ENPP5: variants seen among roughly 807,000 people sequenced by gnomAD.
ENPP5 encodes the protein ectonucleotide pyrophosphatase/phosphodiesterase family member 5.
A neutral mutation model predicts 33.7 loss-of-function variants in ENPP5; 27 were observed. That is an observed-to-expected ratio of 0.80 (90% CI 0.59 to 1.11). The LOEUF (loss-of-function observed/expected upper bound fraction) is 1.11, where lower values mean the gene tolerates loss of function less well. Among genes scored for constraint, ENPP5 ranks in the 50% least tolerant of loss-of-function variants. The probability of loss-of-function intolerance (pLI) is 0.00; values close to 1 mark genes in which losing one functional copy is unlikely to be tolerated. For missense variants in ENPP5, 552 were observed against 579.2 expected (o/e 0.95, Z 0.48); for synonymous variants, 199 against 200.5 (o/e 0.99, Z 0.06).
Position 46,167,757 on chromosome 6 carries a change from T to G in ENPP5, c.506A>C (p.Lys169Thr), listed in dbSNP as rs1562071365. 1 of 1,614,042 alleles carries G rather than the reference T, an allele frequency of 6.2e-7. No individual in the cohort carries two copies. Among genetic ancestry groups the G allele is most frequent in the Non-Finnish European group, 8.5e-7 (1 of 1,180,040 alleles). ...ESVSFEDRVA[K>T]IIEWFTSKEP... Reference sequence around the variant, plus strand: ...TTTTGACGTAAACCATTCAATAATTTTGGCAACTCTATCTTCAAATGAAAC... The same window carrying G: ...TTTTGACGTAAACCATTCAATAATTGTGGCAACTCTATCTTCAAATGAAAC... The change falls in exon 3 of 5, where the codon AAA becomes ACA. Residue 169 changes from lysine to threonine, a missense_variant. Coordinates refer to ENST00000371383, the MANE Select transcript of ENPP5 (RefSeq NM_001290072.2).
In ENPP5 at chr6:46,161,585, A is replaced by C; in HGVS notation, c.1175T>G (p.Phe392Cys). ...ATTGAGCAGATCCTGGACATTCCAG[A>C]ATGATCCATTGTGTGGCATGGCGGT... is the stretch of plus-strand genomic sequence containing the variant. The part of the protein sequence containing the change: ...NITAMPHNGS[F>C]WNVQDLLNSA... The change falls in exon 5 of 5, where the codon TTC (phenylalanine) becomes TGC (cysteine). Residue 392 changes from phenylalanine to cysteine, a missense_variant. Transcript: ENST00000371383. 1 of 1,614,114 alleles carries C rather than the reference A, an allele frequency of 6.2e-7. No individual in the cohort carries two copies. The highest frequency in any genetic ancestry group is 1.3e-5 in the African/African-American group (1 of 75,050).
intron 4 of ENPP5, among the ~76,000 whole-genome samples, chr6:46,162,555 T>G (rs1316974256): frequency 1.3e-5 from 2 of 152,132 alleles, no homozygotes; most frequent in Non-Finnish European, 2.9e-5. Context: ...GGCTTTATCT[T>G]AAAGGTGGCA....
chr6:46,166,334 C>T (rs955504896), intron 3 of ENPP5, among the ~76,000 whole-genome samples: 1 of 151,384 alleles, frequency 6.6e-6, no homozygotes, highest in African/African-American at 2.4e-5. Context: ...CTCCCTGTCG[C>T]CCAAGGAGGA....
At chr6:46,164,659 G>C (rs1254141918) in intron 4 of ENPP5, among the ~76,000 whole-genome samples, 1 of 151,576 alleles carries the variant, frequency 6.6e-6, no homozygotes, top group Non-Finnish European at 1.5e-5. Context: ...TAACATAAGA[G>C]CTACCTGCAC....
In ENPP5 at chr6:46,161,761, GA is replaced by G; in HGVS notation, c.1007-9del. The G allele has an allele frequency of 1.3e-6, 2 of 1,595,720 alleles. No homozygotes were observed. The highest frequency in any genetic ancestry group is 1.7e-6 in the Non-Finnish European group (2 of 1,173,184). On this transcript the variant is annotated splice_polypyrimidine_tract_variant and intron_variant, in intron 4 of 4. Coordinates refer to ENST00000371383, the MANE Select transcript of ENPP5 (RefSeq NM_001290072.2). ...CGTAACCGTGGTTGCCTACTGTAAA[GA>G]GAAAATATGTGAAAAAGTTAGCCAA...
Position 46,159,208 on chromosome 6 carries a change from TTA to T in ENPP5, c.*2116_*2117del, listed in dbSNP as rs1764314366. 6.6e-6 allele frequency: 1 copy of T among 152,242 alleles called. No individual in the cohort carries two copies. The highest frequency in any genetic ancestry group is 2.1e-4 in the South Asian group (1 of 4,824). The allele number at this position is 152,242 out of a possible 1,614,324, so 9.4% of individuals were successfully genotyped here. On this transcript the variant is annotated 3_prime_UTR_variant, in exon 5 of 5. Transcript: ENST00000371383. ...GATTTTCCCAGAAAAGTTAAAAGTT[TTA>T]TTTTTCTTCAGGTAAACTCTCCTAT...
rs1334219773 is a variant in ENPP5 at position 46,165,522 on chromosome 6, G to C, written c.871C>G (p.Pro291Ala). Residue 291 changes from proline (P) to alanine (A), a missense_variant, in exon 4 of 5, where the codon CCT becomes GCT. Physicochemically the swap from Pro to Ala is conservative, Grantham distance 27 (BLOSUM62 -1). Transcript: ENST00000371383. The stretch of plus-strand genomic sequence containing the variant: ...TCTTTTTTGTAAACAGTAAGATTAG[G>C]ATGAGCGTGAGTTAGTGCTTCATAG... ...EVYEALTHAHPNLTVYKKEDV... is the reference protein window; with the variant it reads ...EVYEALTHAHANLTVYKKEDV... 6.2e-7 allele frequency: 1 copy of C among 1,606,106 alleles called. No homozygotes were observed. The highest frequency in any genetic ancestry group is 8.5e-7 in the Non-Finnish European group (1 of 1,177,804).
intron 4 of ENPP5, 53 bp from the exon 5 acceptor site, chr6:46,161,806 A>T: frequency 7.5e-7 from 1 of 1,326,256 alleles, no homozygotes; most frequent in Non-Finnish European, 1.1e-6. Flanking sequence ...TAAAATGGAC[A>T]TAATTGTTGT....
chr6:46,161,637 G>T lies in ENPP5; in HGVS notation c.1123C>A (p.Pro375Thr). 6.2e-7 allele frequency: 1 copy of T among 1,613,848 alleles called. No homozygotes were observed. The highest frequency in any genetic ancestry group is 8.5e-7 in the Non-Finnish European group (1 of 1,179,778). Reference sequence around the variant, plus strand: ...ATATTGAGGAGGTGGCATAGTAGTGGGTACAAATCTGTGGAGTTCATGGCT... The same window carrying T: ...ATATTGAGGAGGTGGCATAGTAGTGTGTACAAATCTGTGGAGTTCATGGCT... ...KEAMNSTDLYPLLCHLLNITA... is the reference protein window; with the variant it reads ...KEAMNSTDLYTLLCHLLNITA... Residue 375 changes from proline to threonine, a missense_variant, in exon 5 of 5, where the codon CCA (proline) becomes ACA (threonine). Transcript: ENST00000371383.
At position 46,168,127 on chromosome 6, in the gene ENPP5, C is replaced by T; in HGVS notation, c.136G>A (p.Val46Ile). The change falls in exon 3 of 5, where the codon GTT becomes ATT. Residue 46 changes from valine to isoleucine, a missense_variant. Transcript: ENST00000371383. Reference sequence around the variant, plus strand: ...ATATAATGAAAATGGGGCGTTGGAACTTTATATAAGTAATCCCAACGGAAT... The same window carrying T: ...ATATAATGAAAATGGGGCGTTGGAATTTTATATAAGTAATCCCAACGGAAT... ...DGFRWDYLYK[V>I]PTPHFHYIMK... is the part of the protein sequence containing the mutation. 1 of 1,613,616 alleles carries T rather than the reference C, an allele frequency of 6.2e-7. No homozygotes were observed. The highest frequency in any genetic ancestry group is 1.7e-4 in the Middle Eastern group (1 of 6,060).
chr6:46,168,143 C>T lies in ENPP5; in HGVS notation c.120G>A (p.Trp40Ter). 6.2e-7 allele frequency: 1 copy of T among 1,613,398 alleles called. No homozygotes were observed. The highest frequency in any genetic ancestry group is 8.5e-7 in the Non-Finnish European group (1 of 1,179,616). The part of the protein sequence containing the change: ...VLLVSFDGFR[W>*]DYLYKVPTPH... The stretch of plus-strand genomic sequence containing the variant: ...GCGTTGGAACTTTATATAAGTAATC[C>T]CAACGGAATCCATCAAAAGAAACTA... Residue 40 changes from tryptophan (W) to a stop codon, truncating the protein, a stop_gained, in exon 3 of 5, where the codon TGG (tryptophan) becomes TGA (stop). Coordinates refer to ENST00000371383, the MANE Select transcript of ENPP5 (RefSeq NM_001290072.2). LOFTEE classifies it high-confidence loss of function.
In ENPP5 at chr6:46,167,485, G is replaced by A. The variant is rs1474249852; in HGVS notation, c.778C>T (p.His260Tyr). Residue 260 changes from histidine (H) to tyrosine (Y), a missense_variant, in exon 3 of 5, where the codon CAC becomes TAC. Transcript: ENST00000371383. ...IELDQYLDKD[H>Y]YTLIDQSPVA... is the part of the protein sequence containing the mutation. ...GGAGATTGATCAATCAGGGTATAGT[G>A]GTCTTTATCCAGGTACTGGTCAAGT... The A allele has an allele frequency of 1.2e-6, 2 of 1,613,964 alleles. No homozygotes were observed. Among genetic ancestry groups the A allele is most frequent in the Non-Finnish European group, 1.7e-6 (2 of 1,179,986 alleles).
rs757454656 is a variant in ENPP5, at chr6:46,167,713, G to C, written c.550C>G (p.Leu184Val). Residue 184 changes from leucine to valine, a missense_variant, in exon 3 of 5, where the codon CTT becomes GTT. Physicochemically the swap from Leu to Val is conservative, Grantham distance 32. Transcript: ENST00000371383. ...FTSKEPINLGLLYWEDPDDMG... is the reference protein window; with the variant it reads ...FTSKEPINLGVLYWEDPDDMG... ...TCATCAGGGTCTTCCCAATAGAGAA[G>C]ACCAAGATTTATGGGCTCTTTTGAC... The C allele has an allele frequency of 3.1e-6, 5 of 1,614,138 alleles. No individual in the cohort carries two copies. The highest frequency in any genetic ancestry group is 4.2e-6 in the Non-Finnish European group (5 of 1,180,034).
chr6:46,170,886 C>T lies in ENPP5; in HGVS notation c.-176G>A, dbSNP rs1764717855. 1 of 152,342 alleles carries T rather than the reference C, an allele frequency of 6.6e-6. No individual in the cohort carries two copies. The highest frequency in any genetic ancestry group is 6.5e-5 in the Admixed American group (1 of 15,278). The allele number at this position is 152,342 out of a possible 1,614,324, so 9.4% of individuals were successfully genotyped here. ...CTGGAGGAGACTCCCTCGGGCGCGC[C>T]GCGGGTAACGGCGGGAGGGTGACTG... On this transcript the variant is annotated 5_prime_UTR_variant, in exon 1 of 5. Coordinates refer to ENST00000371383, the MANE Select transcript of ENPP5 (RefSeq NM_001290072.2).
intron 4 of ENPP5, among the ~76,000 whole-genome samples, chr6:46,162,025 A>G (rs966017652): frequency 6.6e-6 from 1 of 152,180 alleles, no homozygotes; most frequent in African/African-American, 2.4e-5. Flanking sequence ...CAAGTTAGGG[A>G]AAAATTAGAG....
In ENPP5 at chr6:46,161,670, A is replaced by G. The variant is rs187100926; in HGVS notation, c.1090T>C (p.Ser364Pro). The G allele has an allele frequency of 6.2e-6, 10 of 1,613,880 alleles. No homozygotes were observed. In the East Asian group the frequency reaches 2.2e-4, roughly 36 times the overall value. Residue 364 changes from serine (S) to proline (P), a missense_variant, in exon 5 of 5, where the codon TCA becomes CCA. Ser to Pro is a moderately conservative substitution (Grantham distance 74). Coordinates refer to ENST00000371383, the MANE Select transcript of ENPP5 (RefSeq NM_001290072.2). ...AHGPAFRKNF[S>P]KEAMNSTDLY... ...TCTGTGGAGTTCATGGCTTCTTTTG[A>G]GAAATTCTTTCTGAAGGCAGGACCA...
chr6:46,165,797 T>G (rs1764527273), intron 3 of ENPP5, among the ~76,000 whole-genome samples: 1 of 152,160 alleles, frequency 6.6e-6, no homozygotes, highest in Non-Finnish European at 1.5e-5. Flanking sequence ...CTCTAAAGAC[T>G]TCAATACACA....
At chr6:46,169,125 G>A (rs1463917972) in intron 2 of ENPP5, among the ~76,000 whole-genome samples, 1 of 152,074 alleles carries the variant, frequency 6.6e-6, no homozygotes, top group Admixed American at 6.6e-5. Flanking sequence ...CAAGGTTGCT[G>A]GTCTTTTCCC....
rs1764394249 is a variant in ENPP5 at position 46,161,545 on chromosome 6, C to T, written c.1215G>A (p.Arg405=). The T allele has an allele frequency of 5.0e-6, 8 of 1,613,872 alleles. No homozygotes were observed. The highest frequency in any genetic ancestry group is 2.7e-5 in the African/African-American group (2 of 74,894). The change falls in exon 5 of 5, where the codon AGG becomes AGA. Residue 405 remains arginine (R), a synonymous_variant. Coordinates refer to ENST00000371383, the MANE Select transcript of ENPP5 (RefSeq NM_001290072.2). ...TAGTACTCTGTGTATAAGGGACCAC[C>T]CTTGGCATTGCTGAATTGAGCAGAT... The part of the protein sequence containing the change: ...VQDLLNSAMP[R]VVPYTQSTIL...
Sources: gnomAD v4.1 joint callset for allele counts (sites outside exome capture counted in the v4.1 genomes callset) on GRCh38, gnomAD v4.1.1 for gene constraint, MANE v1.5 for transcripts, NCBI Gene and HGNC (gene_info 2026-07-23, HGNC 2026-07-21) for gene names.